TECTA: variants seen among roughly 807,000 people sequenced by gnomAD.
TECTA encodes the protein tectorin alpha.
A neutral mutation model predicts 216.8 loss-of-function variants in TECTA; 128 were observed. That is an observed-to-expected ratio of 0.59 (90% CI 0.51 to 0.68). TECTA has a LOEUF of 0.68. Ranked by LOEUF, TECTA falls within the 30% of genes least tolerant of loss-of-function variation. The probability of loss-of-function intolerance (pLI) is 0.00; values close to 1 mark genes in which losing one functional copy is unlikely to be tolerated. For missense variants in TECTA, 2,551 were observed against 2,786.2 expected, an observed-to-expected ratio of 0.92 and a Z score of 1.90; for synonymous variants, 1,089 against 1,117.1, an observed-to-expected ratio of 0.97 and a Z score of 0.50.
chr11:121,139,339 T>A (rs71486352), intron 11 of TECTA, among the ~76,000 whole-genome samples: 1,853 of 152,356 alleles, frequency 0.012, 15 homozygotes, highest in Middle Eastern at 0.027. Context: ...ACCTAATTCA[T>A]CTTTATGTTG....
At chr11:121,124,586 A>G (rs1208512472) in intron 7 of TECTA, among the ~76,000 whole-genome samples, 1 of 152,242 alleles carries the variant, frequency 6.6e-6, no homozygotes, top group African/African-American at 2.4e-5. Flanking sequence ...ACAGTTAAAG[A>G]GTATGCTGTA....
chr11:121,126,099 G>C (rs1393798464), intron 8 of TECTA, among the ~76,000 whole-genome samples: 2 of 152,216 alleles, frequency 1.3e-5, no homozygotes, highest in African/African-American at 4.8e-5. Flanking sequence ...ACATGGTCTG[G>C]AAACATGAAA....
chr11:121,106,612 G>A (rs1201721472), intron 3 of TECTA, among the ~76,000 whole-genome samples: 1 of 152,140 alleles, frequency 6.6e-6, no homozygotes, highest in Admixed American at 6.5e-5. Context: ...ACATGAAGAG[G>A]AAGATTCAGA....
At chr11:121,122,711 G>A (rs1211457680) in intron 7 of TECTA, among the ~76,000 whole-genome samples, 1 of 148,478 alleles carries the variant, frequency 6.7e-6, no homozygotes, top group African/African-American at 2.5e-5. Context: ...AAAATAGCCA[G>A]GTGTTGTGGC....
Position 121,166,584 on chromosome 11 carries a change from A to G in TECTA, c.5390A>G (p.His1797Arg), listed in dbSNP as rs1947055156. 1.2e-6 allele frequency: 2 copies of G among 1,614,054 alleles called. No homozygotes were observed. The highest frequency in any genetic ancestry group is 1.7e-6 in the Non-Finnish European group (2 of 1,180,030). The change falls in exon 18 of 24, where the codon CAT (histidine) becomes CGT (arginine). Residue 1797 changes from histidine (H) to arginine (R), a missense_variant. His to Arg is a conservative substitution (Grantham distance 29, BLOSUM62 0). Coordinates refer to ENST00000392793, the MANE Select transcript of TECTA (RefSeq NM_005422.4). Reference sequence around the variant, plus strand: ...GTAATAACTGTTCCCACAGACTCACATGACATTATCGATGCAGAGGTGACC... The same window carrying G: ...GTAATAACTGTTCCCACAGACTCACGTGACATTATCGATGCAGAGGTGACC... ...IEPPPYGNNS[H>R]DIIDAEVTCK...
At chr11:121,152,346 A>C (rs1946898471) in intron 12 of TECTA, among the ~76,000 whole-genome samples, 1 of 152,190 alleles carries the variant, frequency 6.6e-6, no homozygotes. Flanking sequence ...GCTTAGAAAA[A>C]CGTTCTGTAG....
chr11:121,107,761 G>A (rs1946404312), intron 3 of TECTA, among the ~76,000 whole-genome samples: 1 of 152,170 alleles, frequency 6.6e-6, no homozygotes, highest in Non-Finnish European at 1.5e-5. Context: ...TAAACTGAGG[G>A]TATATCTTGG....
chr11:121,190,037 T>G, intron 23 of TECTA, 157 bp downstream of exon 23: 3 of 667,190 alleles, frequency 4.5e-6, no homozygotes, highest in Non-Finnish European at 8.1e-6. Flanking sequence ...GCCCAAGGAA[T>G]TCTAGGGCCA....
At chr11:121,165,247 A>G (rs757504593) in intron 16 of TECTA, 26 bp from the exon 17 acceptor site, 6 of 1,570,254 alleles carry the variant, frequency 3.8e-6, no homozygotes, top group African/African-American at 1.3e-5. Context: ...GAAGTTGTGC[A>G]TGTTTCTGTG....
At chr11:121,161,924 A>T (rs578198396) in intron 15 of TECTA, 151 bp from the exon 16 acceptor site, 1 of 871,608 alleles carries the variant, frequency 1.1e-6, no homozygotes, top group East Asian at 2.5e-5. Context: ...TAGAATAGAG[A>T]CTAGCAGTAT....
Position 121,118,998 on chromosome 11 carries a change from C to CACACACACACAAACACACAT in TECTA, c.1203+291_1203+292insAACACACATACACACACACA, listed in dbSNP as rs1437578355. Among the ~76,000 whole-genome samples, 725 of 46,846 alleles carry CACACACACACAAACACACAT rather than the reference C, an allele frequency of 0.015. 6 individuals carry two copies. Among genetic ancestry groups the CACACACACACAAACACACAT allele is most frequent in the African/African-American group, 0.054 (701 of 13,056 alleles). The allele number at this position is 46,846 out of a possible 152,430, so 30.7% of individuals were successfully genotyped here. On this transcript the variant is annotated intron_variant, in intron 7 of 23. Coordinates refer to ENST00000392793, the MANE Select transcript of TECTA (RefSeq NM_005422.4). ...TCCCTCATAAACACTGATAGGCACA[C>CACACACACACAAACACACAT]ACACACACACACACACACACACACA... is the stretch of plus-strand genomic sequence containing the variant.
chr11:121,174,894 C>T (rs1012377832), intron 20 of TECTA, among the ~76,000 whole-genome samples: 6 of 152,092 alleles, frequency 3.9e-5, no homozygotes, highest in Non-Finnish European at 8.8e-5. Flanking sequence ...GTTCAGAGAT[C>T]CAACTTCTTC....
At chr11:121,119,233 A>G (rs1011886095) in intron 7 of TECTA, among the ~76,000 whole-genome samples, 9 of 151,744 alleles carry the variant, frequency 5.9e-5, no homozygotes, top group African/African-American at 2.2e-4. Context: ...TTTCAGAGAA[A>G]CCTCCAAATG....
chr11:121,162,627 T>A (rs1373435867), intron 16 of TECTA, among the ~76,000 whole-genome samples: 1 of 152,076 alleles, frequency 6.6e-6, no homozygotes, highest in Admixed American at 6.5e-5. Flanking sequence ...GCTCTCTGGG[T>A]TGGAAGAGCC....
rs1946605122 is a variant in TECTA at position 121,125,781 on chromosome 11, C to T, written c.1683C>T (p.Gly561=). The change falls in exon 8 of 24, where the codon GGC becomes GGT. Residue 561 remains glycine (G), a synonymous_variant. Coordinates refer to ENST00000392793, the MANE Select transcript of TECTA (RefSeq NM_005422.4). ...VYDLCSVRDN[G]TLLCQAIQAY... is the part of the protein sequence containing the mutation. ...ACCTGTGCAGTGTGAGGGACAATGG[C>T]ACGCTCCTCTGCCAAGCCATCCAGG... is the stretch of plus-strand genomic sequence containing the variant. 1 of 1,614,006 alleles carries T rather than the reference C, an allele frequency of 6.2e-7. No homozygotes were observed. Among genetic ancestry groups the T allele is most frequent in the African/African-American group, 1.3e-5 (1 of 74,934 alleles).
chr11:121,167,662 A>C (rs1446330155), intron 18 of TECTA, among the ~76,000 whole-genome samples: 1 of 152,308 alleles, frequency 6.6e-6, no homozygotes, highest in East Asian at 1.9e-4. Context: ...CCTTGTAGGC[A>C]TGTCTGGTGA....
At chr11:121,129,557 C>T in intron 9 of TECTA, 81 bp from the exon 10 acceptor site, 1 of 1,439,594 alleles carries the variant, frequency 6.9e-7, no homozygotes, top group African/African-American at 1.4e-5. Flanking sequence ...ATAGGGCAGA[C>T]CGTGTCTTTA....
intron 20 of TECTA, among the ~76,000 whole-genome samples, chr11:121,179,386 G>T (rs1378229321): frequency 6.6e-6 from 1 of 152,006 alleles, no homozygotes; most frequent in Non-Finnish European, 1.5e-5. Flanking sequence ...TTCCATTGTG[G>T]TCTGAGAAGA....
At chr11:121,118,827 CAA>C in intron 7 of TECTA, 109 bp downstream of exon 7, 1 of 1,395,132 alleles carries the variant, frequency 7.2e-7, no homozygotes, top group African/African-American at 1.4e-5. Context: ...TGTACAGTGC[CAA>C]AGAGATGCAC....
Sources: gnomAD v4.1 joint callset for allele counts (sites outside exome capture counted in the v4.1 genomes callset) on GRCh38, gnomAD v4.1.1 for gene constraint, MANE v1.5 for transcripts, NCBI Gene and HGNC (gene_info 2026-07-23, HGNC 2026-07-21) for gene names.